RMDN2: variants seen among roughly 807,000 people sequenced by gnomAD.
The protein encoded by RMDN2 is regulator of microtubule dynamics protein 2.
Under a neutral mutation model 52.8 loss-of-function variants are expected in RMDN2, and 61 were observed. That is an observed-to-expected ratio of 1.16 (90% CI 0.94 to 1.43). The LOEUF (loss-of-function observed/expected upper bound fraction) is 1.43. RMDN2 is among the 40% of genes most tolerant of loss of function. The pLI is 0.00. For missense variants in RMDN2, 592 were observed against 475.3 expected, an observed-to-expected ratio of 1.25 and a Z score of -2.28; for synonymous variants, 180 against 153.1, an observed-to-expected ratio of 1.18 and a Z score of -1.30.
At chr2:37,972,400 A>G (rs933689962) in intron 2 of RMDN2, among the ~76,000 whole-genome samples, 1 of 152,184 alleles carries the variant, frequency 6.6e-6, no homozygotes, top group Non-Finnish European at 1.5e-5. Flanking sequence ...TAAAGCAGGA[A>G]CATGACTGAT....
upstream of RMDN2, among the ~76,000 whole-genome samples, chr2:37,921,334 ATT>A (rs976730067): frequency 2.0e-5 from 3 of 152,216 alleles, no homozygotes; most frequent in South Asian, 6.2e-4. Flanking sequence ...CTTTTCAGAA[ATT>A]TTTTTTGTAA....
rs573513223 is a variant in RMDN2 at position 37,954,352 on chromosome 2, A to T, written c.453-19688A>T. Among the ~76,000 whole-genome samples the T allele has an allele frequency of 3.3e-5, 5 of 152,082 alleles. 1 individual carries two copies. The South Asian group carries it at 1.0e-3, about 32-fold the overall frequency. On this transcript the variant is annotated intron_variant, in intron 2 of 10. Transcript: ENST00000354545. ...TTTAGGTTTTATATTTAGGTCTTTGATGCATTTTGAGTTAATTTTTGTGTG... is the reference window on the plus strand; with the variant it reads ...TTTAGGTTTTATATTTAGGTCTTTGTTGCATTTTGAGTTAATTTTTGTGTG...
intron 2 of RMDN2, among the ~76,000 whole-genome samples, chr2:37,958,472 T>C (rs1299711263): frequency 6.6e-6 from 1 of 151,042 alleles, no homozygotes; most frequent in Non-Finnish European, 1.5e-5. Context: ...GCTTGTGATT[T>C]TTGCACATTT....
chr2:37,931,956 C>A (rs180688709), intron 2 of RMDN2, among the ~76,000 whole-genome samples: 14 of 152,232 alleles, frequency 9.2e-5, no homozygotes, highest in Admixed American at 8.5e-4. Flanking sequence ...AGGGGAGAAG[C>A]TTTTTCCTGT....
chr2:37,974,274 G>C (rs1447539068), intron 3 of RMDN2, 60 bp downstream of exon 3: 13 of 1,099,938 alleles, frequency 1.2e-5, no homozygotes, highest in Non-Finnish European at 1.5e-5. Flanking sequence ...TCTGCCATCT[G>C]TTTCAGTTAT....
intron 10 of RMDN2, among the ~76,000 whole-genome samples, chr2:38,063,680 T>C (rs1357136794): frequency 6.6e-6 from 1 of 152,022 alleles, no homozygotes; most frequent in Non-Finnish European, 1.5e-5. Context: ...ATCCAGAATC[T>C]ACAATGAACT....
rs772939816 is a variant in RMDN2 at position 37,929,475 on chromosome 2, A to T, written c.198A>T (p.Val66=). 6.4e-7 allele frequency: 1 copy of T among 1,551,616 alleles called. No homozygotes were observed. Among genetic ancestry groups the T allele is most frequent in the East Asian group, 2.4e-5 (1 of 40,916 alleles). ...TACATGATGACCAAGGAACAACAGT[A>T]ATCTTTCAAGAAAGGCAACTTCAGA... The part of the protein sequence containing the change: ...DEIHDDQGTT[V]IFQERQLQIL... Residue 66 remains valine (V), a synonymous_variant, in exon 2 of 11, where the codon GTA becomes GTT. Coordinates refer to ENST00000354545, the MANE Select transcript of RMDN2 (RefSeq NM_001170791.3).
chr2:38,050,324 A>G lies in RMDN2; in HGVS notation c.1714-16658A>G, dbSNP rs560496569. Among the ~76,000 whole-genome samples, 10 of 151,670 alleles carry G rather than the reference A, an allele frequency of 6.6e-5. 1 individual carries two copies. In the South Asian group the frequency reaches 1.7e-3, roughly 25 times the overall value. On this transcript the variant is annotated intron_variant, in intron 10 of 10. Transcript: ENST00000234195. ...TGCTGCACCAATCTCACCAGTGTAC[A>G]CACATGCCTAAGTATCCCCTATTAA...
chr2:38,005,333 TC>T (rs1452271368), intron 10 of RMDN2, among the ~76,000 whole-genome samples: 2 of 152,218 alleles, frequency 1.3e-5, no homozygotes, highest in Non-Finnish European at 2.9e-5. Flanking sequence ...GTAAAAGTGT[TC>T]CTATTTCTCC....
At chr2:37,934,717 C>T (rs184904703) in intron 2 of RMDN2, among the ~76,000 whole-genome samples, 1 of 151,878 alleles carries the variant, frequency 6.6e-6, no homozygotes, top group Non-Finnish European at 1.5e-5. Context: ...TTTGAGGACA[C>T]GGTAAAAAAT....
Position 38,004,187 on chromosome 2 carries a change from G to T in RMDN2, c.1150G>T (p.Ala384Ser). 1 of 1,613,684 alleles carries T rather than the reference G, an allele frequency of 6.2e-7. No individual in the cohort carries two copies. The highest frequency in any genetic ancestry group is 1.1e-5 in the South Asian group (1 of 91,072). ...GAATGCTTTGAAGTTCTGTAATTTG[G>T]CTTTATTGCTTCCTACTGTTACCAA... Reference protein sequence around the residue: ...NQNALKFCNLALLLPTVTKED... With the variant: ...NQNALKFCNLSLLLPTVTKED... Residue 384 changes from alanine (A) to serine (S), a missense_variant, in exon 10 of 11, where the codon GCT becomes TCT. Transcript: ENST00000354545.
At chr2:38,033,975 G>A (rs1326247094) in intron 10 of RMDN2, among the ~76,000 whole-genome samples, 1 of 152,216 alleles carries the variant, frequency 6.6e-6, no homozygotes, top group East Asian at 1.9e-4. Flanking sequence ...AGAAAGCTAG[G>A]CATCCTATTA....
intron 2 of RMDN2, among the ~76,000 whole-genome samples, chr2:37,940,174 G>A (rs918661424): frequency 2.0e-5 from 3 of 152,202 alleles, no homozygotes; most frequent in Non-Finnish European, 4.4e-5. Context: ...GTTCTGGGTT[G>A]AAAATTCTTT....
At chr2:37,924,454 C>A (rs1281057842), upstream of RMDN2, among the ~76,000 whole-genome samples, 1 of 152,242 alleles carries the variant, frequency 6.6e-6, no homozygotes, top group African/African-American at 2.4e-5. Context: ...CAACCTCTGC[C>A]TCCGGGTTCA....
chr2:37,967,094 A>G (rs1388003220), intron 2 of RMDN2, among the ~76,000 whole-genome samples: 1 of 152,198 alleles, frequency 6.6e-6, no homozygotes, highest in Non-Finnish European at 1.5e-5. Flanking sequence ...GATGTTAAAG[A>G]TGAAGCCCAC....
intron 8 of RMDN2, among the ~76,000 whole-genome samples, chr2:38,001,624 T>G (rs952552329): frequency 1.3e-5 from 2 of 152,222 alleles, no homozygotes; most frequent in African/African-American, 4.8e-5. Flanking sequence ...ATAAGCTGTT[T>G]ACATGCATAC....
At chr2:38,050,558 G>C (rs1681530024) in intron 10 of RMDN2, among the ~76,000 whole-genome samples, 1 of 152,020 alleles carries the variant, frequency 6.6e-6, no homozygotes, top group South Asian at 2.1e-4. Context: ...AGTTTTAGTT[G>C]GTCAGAAAAG....
intron 10 of RMDN2, among the ~76,000 whole-genome samples, chr2:38,061,022 C>CACATAAAATT (rs1294647235): frequency 7.4e-4 from 113 of 152,232 alleles, no homozygotes; most frequent in Non-Finnish European, 1.4e-3. Context: ...GTGTGGAGTC[C>CACATAAAATT]TTTGGTGCAC....
At chr2:38,006,521 A>C (rs1322911496) in intron 10 of RMDN2, among the ~76,000 whole-genome samples, 1 of 152,158 alleles carries the variant, frequency 6.6e-6, no homozygotes, top group East Asian at 1.9e-4. Flanking sequence ...TTATTGGTGT[A>C]TAAGAATGCT....
Sources: allele counts gnomAD v4.1 joint callset (sites outside exome capture counted in the v4.1 genomes callset), GRCh38; gene constraint gnomAD v4.1.1; transcripts MANE v1.5; gene names NCBI Gene and HGNC (gene_info 2026-07-23, HGNC 2026-07-21).